MYO5B: variants seen among roughly 807,000 people sequenced by gnomAD.
MYO5B encodes the protein unconventional myosin-Vb.
Under a neutral mutation model 229.3 loss-of-function variants are expected in MYO5B, and 143 were observed. The ratio of observed to expected loss-of-function variants is 0.62; its 90% CI spans 0.54 to 0.72. The LOEUF (loss-of-function observed/expected upper bound fraction) is 0.72. MYO5B is among the 30% of genes least tolerant of loss of function. The pLI, the probability that MYO5B is intolerant of heterozygous loss-of-function variation, is 0.00. For synonymous variants in MYO5B, 918 were observed against 885.2 expected, an observed-to-expected ratio of 1.04 and a Z score of -0.66; for missense variants, 2,321 against 2,331.0, an observed-to-expected ratio of 1.00 and a Z score of 0.09.
chr18:50,155,771 G>A (rs1433276149), intron 1 of MYO5B, among the ~76,000 whole-genome samples: 1 of 152,200 alleles, frequency 6.6e-6, no homozygotes, highest in African/African-American at 2.4e-5. Context: ...GTGAGAACTA[G>A]GAATTTCTGA....
intron 4 of MYO5B, among the ~76,000 whole-genome samples, chr18:50,005,089 A>T (rs1477915870): frequency 6.6e-6 from 1 of 152,182 alleles, no homozygotes; most frequent in Non-Finnish European, 1.5e-5. Flanking sequence ...ATTCATTTTA[A>T]TACTCCAGCC....
At chr18:50,192,073 GAGA>G (rs915411367) in intron 1 of MYO5B, among the ~76,000 whole-genome samples, 11 of 36,882 alleles carry the variant, frequency 3.0e-4, no homozygotes, top group Admixed American at 2.2e-3. Flanking sequence ...ACCCATTTGA[GAGA>G]AAAAAAAAAA....
At chr18:49,935,895 C>A (rs1348043536) in intron 16 of MYO5B, among the ~76,000 whole-genome samples, 1 of 152,222 alleles carries the variant, frequency 6.6e-6, no homozygotes, top group East Asian at 1.9e-4. Flanking sequence ...GATTCTTCAA[C>A]ACAAGAAAAG....
chr18:49,907,549 C>G (rs765518592), intron 18 of MYO5B, among the ~76,000 whole-genome samples: 5 of 152,190 alleles, frequency 3.3e-5, no homozygotes, highest in Non-Finnish European at 4.4e-5. Flanking sequence ...CAACTGCCAT[C>G]TCATTTTGCT....
chr18:50,142,411 G>A (rs1445726357), intron 1 of MYO5B, among the ~76,000 whole-genome samples: 1 of 152,178 alleles, frequency 6.6e-6, no homozygotes. Flanking sequence ...AAGTGGTCAG[G>A]AGAAAGGGAA....
chr18:50,100,372 C>T (rs1437824452), intron 1 of MYO5B, among the ~76,000 whole-genome samples: 1 of 152,212 alleles, frequency 6.6e-6, no homozygotes, highest in African/African-American at 2.4e-5. Context: ...CCTTTTCAGA[C>T]ACAAGACTCC....
chr18:50,034,200 T>C (rs1052804954), intron 4 of MYO5B, among the ~76,000 whole-genome samples: 2 of 152,216 alleles, frequency 1.3e-5, no homozygotes, highest in Non-Finnish European at 2.9e-5. Context: ...TTGAACCACA[T>C]AATTATTTCA....
chr18:49,853,678 G>A, intron 30 of MYO5B, 31 bp from the exon 31 acceptor site: 1 of 1,601,776 alleles, frequency 6.2e-7, no homozygotes. Flanking sequence ...GTGAGCACGT[G>A]GCCCAGGCCA....
chr18:50,115,545 G>GACACACACACAC (rs1285841007), intron 1 of MYO5B, among the ~76,000 whole-genome samples: 1 of 106,152 alleles, frequency 9.4e-6, no homozygotes, highest in African/African-American at 4.1e-5. Flanking sequence ...CACACACAGA[G>GACACACACACAC]AGACACACAC....
chr18:50,149,754 C>T (rs1438825725), intron 1 of MYO5B, among the ~76,000 whole-genome samples: 10 of 152,152 alleles, frequency 6.6e-5, no homozygotes, highest in Non-Finnish European at 1.2e-4. Flanking sequence ...CTAGGCATTA[C>T]CATTCAGGAC....
intron 10 of MYO5B, among the ~76,000 whole-genome samples, chr18:49,971,257 G>A (rs907817298): frequency 3.9e-5 from 6 of 152,230 alleles, no homozygotes; most frequent in Non-Finnish European, 8.8e-5. Flanking sequence ...GGTGAGTAGA[G>A]AGGGCGAGAA....
intron 29 of MYO5B, 87 bp downstream of exon 29, chr18:49,863,140 T>G (rs1297681420): frequency 1.0e-6 from 1 of 969,666 alleles, no homozygotes; most frequent in Non-Finnish European, 1.7e-6. Flanking sequence ...CACATGGTCA[T>G]CACCTGAGGA....
intron 10 of MYO5B, among the ~76,000 whole-genome samples, chr18:49,968,617 G>A (rs951288307): frequency 5.3e-5 from 8 of 152,062 alleles, no homozygotes; most frequent in Non-Finnish European, 8.8e-5. Context: ...CTAGAGGCCT[G>A]GGGAGTTTCT....
At chr18:50,158,748 A>T (rs1485612462) in intron 1 of MYO5B, among the ~76,000 whole-genome samples, 1 of 152,152 alleles carries the variant, frequency 6.6e-6, no homozygotes, top group Non-Finnish European at 1.5e-5. Flanking sequence ...CTGGCTCCCA[A>T]TCCAGAACAT....
chr18:50,091,043 G>A (rs1405709740), intron 1 of MYO5B, among the ~76,000 whole-genome samples: 3 of 151,968 alleles, frequency 2.0e-5, no homozygotes, highest in Admixed American at 2.0e-4. Flanking sequence ...TATGTGCCTG[G>A]GTGTCCAGGT....
At chr18:50,099,533 C>T (rs2031615047) in intron 1 of MYO5B, among the ~76,000 whole-genome samples, 1 of 152,182 alleles carries the variant, frequency 6.6e-6, no homozygotes, top group African/African-American at 2.4e-5. Flanking sequence ...AGTCAGCCAG[C>T]CTTGTAAGTA....
chr18:49,843,537 A>G, intron 33 of MYO5B, 145 bp from the exon 34 acceptor site: 1 of 1,057,926 alleles, frequency 9.5e-7, no homozygotes, highest in East Asian at 2.6e-5. Flanking sequence ...TTGGGAGAGA[A>G]GCCACCCAGG....
chr18:50,102,809 T>G (rs895581169), intron 1 of MYO5B, among the ~76,000 whole-genome samples: 1 of 151,962 alleles, frequency 6.6e-6, no homozygotes, highest in African/African-American at 2.4e-5. Flanking sequence ...GCCAAAGAAT[T>G]AGATAATCCT....
intron 14 of MYO5B, among the ~76,000 whole-genome samples, chr18:49,947,421 T>C (rs1481170546): frequency 6.6e-6 from 1 of 152,198 alleles, no homozygotes; most frequent in African/African-American, 2.4e-5. Flanking sequence ...ACCAAGCTCT[T>C]ACTTGACAAA....
Sources: gnomAD v4.1 joint callset for allele counts (sites outside exome capture counted in the v4.1 genomes callset) on GRCh38, gnomAD v4.1.1 for gene constraint, MANE v1.5 for transcripts, NCBI Gene and HGNC (gene_info 2026-07-23, HGNC 2026-07-21) for gene names.